The following TMIE variants were observed in gnomAD, a reference collection of about 807,000 sequenced individuals.
TMIE encodes the protein transmembrane inner ear expressed protein.
A neutral mutation model predicts 16.8 loss-of-function variants in TMIE; 14 were observed. The observed-to-expected ratio is 0.83, with a 90% CI of 0.55 to 1.30. TMIE has a LOEUF of 1.30. TMIE is among the 50% of genes most tolerant of loss of function. The probability of loss-of-function intolerance (pLI) is 0.00; values close to 1 mark genes in which losing one functional copy is unlikely to be tolerated. For synonymous variants in TMIE, 75 were observed against 87.2 expected (o/e 0.86, Z 0.78); for missense variants, 204 against 205.9 (o/e 0.99, Z 0.06).
chr3:46,701,150 C>A (rs1700467888), upstream of TMIE, among the ~76,000 whole-genome samples: 1 of 151,816 alleles, frequency 6.6e-6, no homozygotes, highest in African/African-American at 2.4e-5. This position sits in a 1 kb window ranked among gnomAD's most constrained non-coding sequence, Gnocchi z 4.3. Context: ...GAAACTGAGG[C>A]CCATTTGCAG....
chr3:46,704,716 G>GC (rs1559496115), intron 1 of TMIE, among the ~76,000 whole-genome samples: 1 of 138,554 alleles, frequency 7.2e-6, no homozygotes, highest in Admixed American at 7.1e-5. Flanking sequence ...GACACCCAGG[G>GC]TGGACCATGT....
At chr3:46,709,487 G>A (rs1247075567) in intron 3 of TMIE, 92 bp from the exon 4 acceptor site, 14 of 1,612,950 alleles carry the variant, frequency 8.7e-6, no homozygotes, top group East Asian at 2.2e-5. Context: ...AAGGCAGAGT[G>A]TAGGAGGTTC....
chr3:46,710,179 G>C lies in TMIE; in HGVS notation c.*491G>C, dbSNP rs780099673. 8.3e-6 allele frequency: 2 copies of C among 240,994 alleles called. No individual in the cohort carries two copies. Among genetic ancestry groups the C allele is most frequent in the Non-Finnish European group, 8.2e-6 (1 of 121,398 alleles). The allele number at this position is 240,994 out of a possible 1,614,324, so 14.9% of individuals were successfully genotyped here. ...ACACTGTGGCAGCAGGAGGGACTCT[G>C]TCTGGCCAGGGAGGAGCCCCAGTGG... On this transcript the variant is annotated 3_prime_UTR_variant, in exon 4 of 4. Coordinates refer to ENST00000643606, the MANE Select transcript of TMIE (RefSeq NM_147196.3).
chr3:46,707,627 C>G (rs1700568546), intron 2 of TMIE, among the ~76,000 whole-genome samples: 1 of 152,238 alleles, frequency 6.6e-6, no homozygotes. Flanking sequence ...AAGCCCCTGC[C>G]TGGGCCCTGG....
chr3:46,694,864 C>T (rs1292916865), intron 1 of TMIE, among the ~76,000 whole-genome samples: 18 of 152,154 alleles, frequency 1.2e-4, no homozygotes, highest in Admixed American at 1.2e-3. Flanking sequence ...TGCCAAAGCC[C>T]GCCCTAGCTC....
chr3:46,694,027 C>T (rs1700334187), upstream of TMIE, among the ~76,000 whole-genome samples: 1 of 152,298 alleles, frequency 6.6e-6, no homozygotes, highest in East Asian at 1.9e-4. Context: ...GCCGCCGTGC[C>T]ACCACCTCGC....
chr3:46,699,591 G>C (rs556624215), upstream of TMIE, among the ~76,000 whole-genome samples: 1 of 152,318 alleles, frequency 6.6e-6, no homozygotes, highest in South Asian at 2.1e-4. Flanking sequence ...ATAGTGTACT[G>C]TAAGATCTCA....
chr3:46,708,668 GC>G (rs1417903091), intron 2 of TMIE, among the ~76,000 whole-genome samples: 1 of 152,260 alleles, frequency 6.6e-6, no homozygotes, highest in Non-Finnish European at 1.5e-5. Flanking sequence ...AGGAGGACAT[GC>G]AGAGCCACGT....
upstream of TMIE, among the ~76,000 whole-genome samples, chr3:46,696,730 C>G (rs1700415067): frequency 6.6e-6 from 1 of 152,214 alleles, no homozygotes; most frequent in Non-Finnish European, 1.5e-5. Flanking sequence ...GCTTCCAGTT[C>G]AGAGGCCCTG....
rs189895472 is a variant in TMIE at position 46,705,887 on chromosome 3, C to T, written c.191C>T (p.Ser64Leu). ...MRLWHVVGIF[S>L]LFVLSIIITL... ...CTGTGGCACGTGGTGGGCATCTTTT[C>T]GCTCTTCGTGTTGTCCATCAGTGAG... is the stretch of plus-strand genomic sequence containing the variant. Residue 64 changes from serine (S) to leucine (L), a missense_variant, in exon 2 of 4, where the codon TCG (serine) becomes TTG (leucine). Coordinates refer to ENST00000643606, the MANE Select transcript of TMIE (RefSeq NM_147196.3). 3.7e-4 allele frequency: 591 copies of T among 1,614,130 alleles called. 1 individual carries two copies. The Middle Eastern group carries it at 7.3e-3, about 20-fold the overall frequency.
chr3:46,699,064 T>A (rs1160573496), upstream of TMIE, among the ~76,000 whole-genome samples: 2 of 139,188 alleles, frequency 1.4e-5, no homozygotes, highest in East Asian at 4.0e-4. Flanking sequence ...TTTCTTATTT[T>A]TTTTTTTTTT....
upstream of TMIE, among the ~76,000 whole-genome samples, chr3:46,698,205 C>G (rs144194288): frequency 8.6e-5 from 13 of 151,946 alleles, no homozygotes; most frequent in Non-Finnish European, 1.9e-4. Flanking sequence ...CACGTGCTAC[C>G]GGCTAATGTT....
Position 46,701,512 on chromosome 3 carries a change from C to A in TMIE, c.25C>A (p.Pro9Thr). ...GATGGCGGGGTGGCCGGGCGCGGGT[C>A]CCCTCTGCGTGCTGGGCGGCGCCGC... Reference protein sequence around the residue: MAGWPGAGPLCVLGGAALG... With the variant: MAGWPGAGTLCVLGGAALG... The change falls in exon 1 of 4, where the codon CCC becomes ACC. Residue 9 changes from proline (P) to threonine (T), a missense_variant. Transcript: ENST00000643606. This position sits in a 1 kb window ranked among gnomAD's most constrained non-coding sequence, Gnocchi z 4.3. 7.5e-7 allele frequency: 1 copy of A among 1,340,240 alleles called. No individual in the cohort carries two copies. Among genetic ancestry groups the A allele is most frequent in the Non-Finnish European group, 9.5e-7 (1 of 1,050,120 alleles). The allele number at this position is 1,340,240 out of a possible 1,614,324, so 83.0% of individuals were successfully genotyped here.
chr3:46,701,033 C>A (rs77829267), upstream of TMIE, among the ~76,000 whole-genome samples: 14,192 of 147,950 alleles, frequency 0.096, 783 homozygotes, highest in African/African-American at 0.15. This position sits in a 1 kb window ranked among gnomAD's most constrained non-coding sequence, Gnocchi z 4.3. Context: ...CCCGCTCTGC[C>A]CCCCCCCCAA....
upstream of TMIE, among the ~76,000 whole-genome samples, chr3:46,700,976 C>A (rs989827051): frequency 1.3e-5 from 2 of 152,108 alleles, no homozygotes; most frequent in African/African-American, 2.4e-5. Context: ...GGAAGCCAAG[C>A]CAGAAAGCCC....
chr3:46,705,812 C>G lies in TMIE; in HGVS notation c.116C>G (p.Pro39Arg). ...CAGCCCAGCACGGCCCCACCCAAGC[C>G]CAAGCCGCCTCCGCTGACCAAGGAG... ...LVEPSTAPPKPKPPPLTKETV... is the reference protein window; with the variant it reads ...LVEPSTAPPKRKPPPLTKETV... The change falls in exon 2 of 4, where the codon CCC (proline) becomes CGC (arginine). Residue 39 changes from proline to arginine, a missense_variant. Physicochemically the swap from Pro to Arg is moderately radical, Grantham distance 103 (BLOSUM62 -2). Transcript: ENST00000643606. 1 of 1,614,076 alleles carries G rather than the reference C, an allele frequency of 6.2e-7. No homozygotes were observed. The highest frequency in any genetic ancestry group is 8.5e-7 in the Non-Finnish European group (1 of 1,180,038).
rs547463428 is a variant in TMIE at position 46,701,620 on chromosome 3, C to T, written c.93+40C>T. Reference sequence around the variant, plus strand: ...CGGAGGGACTGGGGAGGCTGTCACCCTCCAGGCAGGGGGCTGGGGGAGAGG... The same window carrying T: ...CGGAGGGACTGGGGAGGCTGTCACCTTCCAGGCAGGGGGCTGGGGGAGAGG... On this transcript the variant is annotated intron_variant, in intron 1 of 3. Transcript: ENST00000643606. The surrounding 1 kb of genome is among the most constrained non-coding windows in gnomAD (Gnocchi z 4.3). 2.4e-6 allele frequency: 3 copies of T among 1,261,984 alleles called. No homozygotes were observed. Among genetic ancestry groups the T allele is most frequent in the South Asian group, 5.9e-5 (2 of 33,686 alleles). The allele number at this position is 1,261,984 out of a possible 1,614,324, so 78.2% of individuals were successfully genotyped here. A position where few individuals can be genotyped will look rare whatever the true frequency, so the allele number is the denominator to read the frequency against.
chr3:46,701,228 C>G (rs1446922153), upstream of TMIE: 5 of 372,032 alleles, frequency 1.3e-5, no homozygotes, highest in Admixed American at 5.0e-5. The surrounding 1 kb of genome is among the most constrained non-coding windows in gnomAD (Gnocchi z 4.3). Flanking sequence ...ACCCCCACCT[C>G]AGTGTCCCTG....
chr3:46,695,518 C>T (rs1700397318), intron 1 of TMIE, among the ~76,000 whole-genome samples: 1 of 152,258 alleles, frequency 6.6e-6, no homozygotes, highest in African/African-American at 2.4e-5. Flanking sequence ...TCCCCTAGAG[C>T]ATGGGTGTGG....
Sources: allele counts gnomAD v4.1 joint callset (sites outside exome capture counted in the v4.1 genomes callset), GRCh38; gene constraint gnomAD v4.1.1; non-coding constraint Gnocchi (gnomAD v3.1); transcripts MANE v1.5; gene names NCBI Gene and HGNC (gene_info 2026-07-23, HGNC 2026-07-21).